Variants in ADGRL2 observed in about 807,000 individuals in gnomAD.
ADGRL2 encodes calcium-independent alpha-latrotoxin receptor 2.
A neutral mutation model predicts 157.4 loss-of-function variants in ADGRL2; 44 were observed. That is an observed-to-expected ratio of 0.28 (90% CI 0.22 to 0.36). ADGRL2 has a LOEUF of 0.36. ADGRL2 is among the 10% of genes least tolerant of loss of function. The pLI is 1.00. For missense variants in ADGRL2, 1,510 were observed against 1,768.9 expected (o/e 0.85, Z 2.63); for synonymous variants, 585 against 624.7 (o/e 0.94, Z 0.95).
chr1:81,464,593 G>A (rs2078013630), intron 2 of ADGRL2, among the ~76,000 whole-genome samples: 1 of 152,220 alleles, frequency 6.6e-6, no homozygotes, highest in South Asian at 2.1e-4. Flanking sequence ...TCATCATAAT[G>A]GACTTGATAA....
chr1:81,369,866 A>G (rs75354392), intron 1 of ADGRL2, among the ~76,000 whole-genome samples: 1 of 152,242 alleles, frequency 6.6e-6, no homozygotes, highest in Non-Finnish European at 1.5e-5. Context: ...TTACTTATTT[A>G]TTTTTTATTT....
At chr1:81,532,704 C>T (rs868419350) in intron 2 of ADGRL2, among the ~76,000 whole-genome samples, 25 of 151,964 alleles carry the variant, frequency 1.6e-4, no homozygotes, top group African/African-American at 5.6e-4. Flanking sequence ...CACTTGAGCC[C>T]AGGAGTTTGA....
At chr1:81,833,732 G>T (rs970096192) in intron 1 of ADGRL2, among the ~76,000 whole-genome samples, 2 of 152,176 alleles carry the variant, frequency 1.3e-5, no homozygotes, top group African/African-American at 2.4e-5. Context: ...ATGGAAGCAG[G>T]TTACTGTCTG....
chr1:81,599,691 A>G (rs767274105), intron 3 of ADGRL2, among the ~76,000 whole-genome samples: 1 of 152,158 alleles, frequency 6.6e-6, no homozygotes, highest in Non-Finnish European at 1.5e-5. Flanking sequence ...ATCATCATCT[A>G]TTGTTAACTG....
chr1:81,752,791 A>G (rs570326280), intron 1 of ADGRL2, among the ~76,000 whole-genome samples: 1 of 152,330 alleles, frequency 6.6e-6, no homozygotes, highest in East Asian at 1.9e-4. Context: ...GCCTTTTAAT[A>G]TACTTCCTTT....
chr1:81,710,073 G>A (rs1433482010), intron 1 of ADGRL2, among the ~76,000 whole-genome samples: 1 of 152,098 alleles, frequency 6.6e-6, no homozygotes, highest in Non-Finnish European at 1.5e-5. Context: ...AAGCTAGGGG[G>A]AAATATTAAA....
chr1:81,952,731 A>T (rs1245194434), intron 9 of ADGRL2, among the ~76,000 whole-genome samples: 4 of 138,998 alleles, frequency 2.9e-5, no homozygotes, highest in African/African-American at 5.0e-5. Flanking sequence ...TGGTTAAAAA[A>T]TTGACTTTTT....
intron 3 of ADGRL2, among the ~76,000 whole-genome samples, chr1:81,654,925 A>G (rs1290987532): frequency 1.3e-5 from 2 of 152,176 alleles, no homozygotes. Flanking sequence ...ATTGCTCAAT[A>G]AATGTTACTC....
chr1:81,974,364 A>C (rs1415872039), intron 17 of ADGRL2, among the ~76,000 whole-genome samples: 1 of 152,192 alleles, frequency 6.6e-6, no homozygotes, highest in African/African-American at 2.4e-5. Context: ...AGCTGTTCTT[A>C]TCATTTGGAC....
At chr1:81,683,848 G>A (rs534864615) in intron 3 of ADGRL2, among the ~76,000 whole-genome samples, 34 of 151,272 alleles carry the variant, frequency 2.2e-4, no homozygotes, top group Non-Finnish European at 4.6e-4. Flanking sequence ...ATGGAGTCTC[G>A]CTCTGTCACC....
chr1:81,369,541 C>T (rs746567241), intron 1 of ADGRL2, among the ~76,000 whole-genome samples: 7 of 152,078 alleles, frequency 4.6e-5, no homozygotes, highest in Non-Finnish European at 1.0e-4. Context: ...AAAATGCATG[C>T]CTCTCTATAT....
chr1:81,802,375 G>T (rs959601796), intron 1 of ADGRL2, among the ~76,000 whole-genome samples: 14 of 151,986 alleles, frequency 9.2e-5, no homozygotes, highest in Non-Finnish European at 8.8e-5. Flanking sequence ...GCTGGCCCAG[G>T]GGGAGACCCG....
At chr1:81,397,981 T>C (rs1307047002) in intron 1 of ADGRL2, among the ~76,000 whole-genome samples, 3 of 152,228 alleles carry the variant, frequency 2.0e-5, no homozygotes, top group Admixed American at 6.5e-5. Context: ...ATTTGTTTTA[T>C]ATATCTGGTG....
intron 3 of ADGRL2, among the ~76,000 whole-genome samples, chr1:81,605,628 T>C (rs1396526516): frequency 6.6e-6 from 1 of 152,226 alleles, no homozygotes; most frequent in Non-Finnish European, 1.5e-5. Context: ...ATTTCTCTGA[T>C]GATGCCATCA....
chr1:81,635,099 G>A (rs2082090432), intron 3 of ADGRL2, among the ~76,000 whole-genome samples: 1 of 152,164 alleles, frequency 6.6e-6, no homozygotes, highest in African/African-American at 2.4e-5. Flanking sequence ...CTGGTAGGAT[G>A]ATCCGGAGTT....
chr1:81,319,910 A>G (rs1660390489), intron 1 of ADGRL2, among the ~76,000 whole-genome samples: 1 of 152,204 alleles, frequency 6.6e-6, no homozygotes, highest in Non-Finnish European at 1.5e-5. Context: ...ATAAGACAAC[A>G]ATGAAGTTTG....
chr1:81,814,202 T>TA (rs575031075), intron 1 of ADGRL2, among the ~76,000 whole-genome samples: 1 of 151,610 alleles, frequency 6.6e-6, no homozygotes, highest in Non-Finnish European at 1.5e-5. Context: ...GAATTAATAA[T>TA]AAAAAAATAC....
At chr1:81,464,159 A>C (rs76229965) in intron 2 of ADGRL2, among the ~76,000 whole-genome samples, 6,096 of 152,268 alleles carry the variant, frequency 0.04, 193 homozygotes, top group Non-Finnish European at 0.058. Flanking sequence ...AATGCACAAC[A>C]GTTGCATTTT....
chr1:81,418,520 G>C (rs1570913901), intron 1 of ADGRL2, among the ~76,000 whole-genome samples: 1 of 152,206 alleles, frequency 6.6e-6, no homozygotes, highest in South Asian at 2.1e-4. Context: ...GGGAGGCCGA[G>C]GCAGGCAGAT....
Sources: gnomAD v4.1 joint callset for allele counts (sites outside exome capture counted in the v4.1 genomes callset) on GRCh38, gnomAD v4.1.1 for gene constraint, MANE v1.5 for transcripts, NCBI Gene and HGNC (gene_info 2026-07-23, HGNC 2026-07-21) for gene names.